Variants in MRPL2 observed in about 807,000 individuals in gnomAD.
MRPL2 encodes the protein large ribosomal subunit protein uL2m.
A neutral mutation model predicts 34.6 loss-of-function variants in MRPL2; 27 were observed. The ratio of observed to expected loss-of-function variants is 0.78; its 90% CI spans 0.58 to 1.08. MRPL2 has a LOEUF of 1.08. MRPL2 is among the 50% of genes least tolerant of loss of function. The probability of loss-of-function intolerance (pLI) is 0.00; values close to 1 mark genes in which losing one functional copy is unlikely to be tolerated. For synonymous variants in MRPL2, 155 were observed against 158.0 expected (o/e 0.98, Z 0.14); for missense variants, 414 against 419.3 (o/e 0.99, Z 0.11).
intron 5 of MRPL2, 84 bp downstream of exon 5, chr6:43,055,813 T>C (rs1211831930): frequency 1.8e-5 from 25 of 1,385,440 alleles, no homozygotes; most frequent in Non-Finnish European, 2.5e-5. Flanking sequence ...TAATTTTCTC[T>C]GCCAGTACCA....
rs536029069 is a variant in MRPL2 at position 43,054,207 on chromosome 6, C to T, written c.*67G>A. The T allele has an allele frequency of 7.7e-4, 915 of 1,180,838 alleles. 2 individuals are homozygous for T. Among genetic ancestry groups the T allele is most frequent in the Non-Finnish European group, 9.4e-4 (790 of 839,566 alleles). 73.1% of individuals were successfully genotyped at this position (1,180,838 alleles called of 1,614,324 possible). ...ACAACAACAAAAAAAACAAAAAACA[C>T]CCAAAACAAAACCACAGTAACAGAT... On this transcript the variant is annotated 3_prime_UTR_variant, in exon 7 of 7. Transcript: ENST00000388752.
intron 3 of MRPL2, 21 bp from the exon 4 acceptor site, chr6:43,056,217 G>A (rs1306887341): frequency 1.2e-6 from 2 of 1,612,732 alleles, no homozygotes; most frequent in South Asian, 1.1e-5. Flanking sequence ...TGAGGGACAG[G>A]TAAGCAGACC....
chr6:43,057,623 C>T (rs1764913558), intron 2 of MRPL2: 1 of 167,466 alleles, frequency 6.0e-6, no homozygotes, highest in Non-Finnish European at 1.3e-5. Context: ...GGATTACAGG[C>T]GTGAGCCACT....
At position 43,055,911 on chromosome 6, in the gene MRPL2, T is replaced by C. The variant is rs1764862432; in HGVS notation, c.617A>G (p.Tyr206Cys). 6.2e-7 allele frequency: 1 copy of C among 1,613,330 alleles called. No individual in the cohort carries two copies. The highest frequency in any genetic ancestry group is 8.5e-7 in the Non-Finnish European group (1 of 1,179,500). The change falls in exon 5 of 7, where the codon TAT (tyrosine) becomes TGT (cysteine). Residue 206 changes from tyrosine (Y) to cysteine (C), a missense_variant. Tyr to Cys is a radical substitution (Grantham distance 194). Transcript: ENST00000388752. ...TTTCCCCATACCTGCAGCTCGGATA[T>C]ATTGGGCACCCCGGCCTGGCTCACT... ...VESEPGRGAQ[Y>C]IRAAGTCGVL...
chr6:43,057,394 G>C (rs1764907084), intron 2 of MRPL2, among the ~76,000 whole-genome samples: 1 of 152,038 alleles, frequency 6.6e-6, no homozygotes, highest in Non-Finnish European at 1.5e-5. Flanking sequence ...CTGGAGTGCA[G>C]CAGCGCGATC....
intron 2 of MRPL2, 107 bp from the exon 3 acceptor site, chr6:43,056,552 C>G: frequency 7.3e-7 from 1 of 1,371,454 alleles, no homozygotes; most frequent in Non-Finnish European, 1.0e-6. Flanking sequence ...AGCATTGTGG[C>G]ACAAGCAGAA....
At chr6:43,056,280 C>T in intron 3 of MRPL2, 27 bp downstream of exon 3, 2 of 1,614,170 alleles carry the variant, frequency 1.2e-6, no homozygotes, top group Non-Finnish European at 1.7e-6. Context: ...CAGACCATTC[C>T]ATCATCATCC....
At chr6:43,058,315 A>G in intron 1 of MRPL2, 82 bp from the exon 2 acceptor site, 1 of 1,404,926 alleles carries the variant, frequency 7.1e-7, no homozygotes, top group Non-Finnish European at 9.9e-7. Context: ...GGCACAGATC[A>G]ATTTTAGCTT....
In MRPL2 at chr6:43,055,629, A is replaced by C. The variant is rs1764840315; in HGVS notation, c.632-11T>G. The C allele has an allele frequency of 6.2e-7, 1 of 1,613,870 alleles. No homozygotes were observed. The highest frequency in any genetic ancestry group is 1.1e-5 in the South Asian group (1 of 91,074). ...GCACACCACACGTCCCTGGGGAAAG[A>C]AGCTGATTTGCCACCCTCCACAAAA... On this transcript the variant is annotated splice_polypyrimidine_tract_variant and intron_variant, in intron 5 of 6. Coordinates refer to ENST00000388752, the MANE Select transcript of MRPL2 (RefSeq NM_015950.5).
chr6:43,058,131 T>C lies in MRPL2; in HGVS notation c.199A>G (p.Lys67Glu). The change falls in exon 2 of 7, where the codon AAG (lysine) becomes GAG (glutamate). Residue 67 changes from lysine (K) to glutamate (E), a missense_variant. Transcript: ENST00000388752. ...VALNANFVSW[K>E]SRTKYTITPV... The stretch of plus-strand genomic sequence containing the variant: ...GTAATGGTGTACTTGGTACGACTCT[T>C]CCAGGACACAAAGTTGGCATTAAGG... 1 of 1,614,202 alleles carries C rather than the reference T, an allele frequency of 6.2e-7. No individual in the cohort carries two copies. Among genetic ancestry groups the C allele is most frequent in the South Asian group, 1.1e-5 (1 of 91,086 alleles).
At chr6:43,055,335 GGCGACAGA>G (rs1333900566) in intron 6 of MRPL2, among the ~76,000 whole-genome samples, 2 of 152,090 alleles carry the variant, frequency 1.3e-5, no homozygotes, top group Non-Finnish European at 2.9e-5. Context: ...CTCCAGCCTG[GGCGACAGA>G]GCAAGACTCT....
intron 2 of MRPL2, 53 bp from the exon 3 acceptor site, chr6:43,056,498 C>T (rs1272942101): frequency 1.2e-6 from 2 of 1,607,608 alleles, no homozygotes; most frequent in Non-Finnish European, 1.7e-6. Flanking sequence ...AGTTTAGTTT[C>T]CAGCACTGGG....
Position 43,058,046 on chromosome 6 carries a change from C to T in MRPL2, c.265+19G>A, listed in dbSNP as rs779055162. On this transcript the variant is annotated intron_variant, in intron 2 of 6. Coordinates refer to ENST00000388752, the MANE Select transcript of MRPL2 (RefSeq NM_015950.5). ...GTTTTTCCTTTTGACTGCTTAAATC[C>T]CCCTGTCCTTGTTCCCACCTGTGTG... 1 of 1,612,846 alleles carries T rather than the reference C, an allele frequency of 6.2e-7. No individual in the cohort carries two copies. The highest frequency in any genetic ancestry group is 1.1e-5 in the South Asian group (1 of 90,996).
At chr6:43,058,967 G>C (rs943129626) in intron 1 of MRPL2, 1 of 651,330 alleles carries the variant, frequency 1.5e-6, no homozygotes, top group African/African-American at 1.8e-5. Context: ...GCCTTATAGA[G>C]TATTTGAAAG....
intron 1 of MRPL2, among the ~76,000 whole-genome samples, chr6:43,058,838 G>A (rs1764977387): frequency 6.6e-6 from 1 of 152,186 alleles, no homozygotes; most frequent in Admixed American, 6.5e-5. Context: ...CATCCTTGCA[G>A]GCATCATATC....
In MRPL2 at chr6:43,058,219, G is replaced by C; in HGVS notation, c.111C>G (p.Gly37=). The C allele has an allele frequency of 6.2e-7, 1 of 1,613,916 alleles. No homozygotes were observed. The highest frequency in any genetic ancestry group is 1.7e-5 in the Admixed American group (1 of 59,984). The change falls in exon 2 of 7, where the codon GGC becomes GGG. Residue 37 remains glycine, a synonymous_variant. Transcript: ENST00000388752. The stretch of plus-strand genomic sequence containing the variant: ...TCAAGGCAGAGGGCTGTTGGAGGAG[G>C]CCATTGTTCATCATCTAGGGATAAA... ...LFPAAQMMNN[G]LLQQPSALML... is the part of the protein sequence containing the mutation.
rs569688733 is a variant in MRPL2, at chr6:43,055,086, C to T, written c.705+459G>A. ...TGTCTCAAAAAAAATTAAGTAGGGC[C>T]GGGTGTGGTGGCTCACTCCTGTAAT... On this transcript the variant is annotated intron_variant, in intron 6 of 6. Coordinates refer to ENST00000388752, the MANE Select transcript of MRPL2 (RefSeq NM_015950.5). Among the ~76,000 whole-genome samples, 6 of 150,320 alleles carry T rather than the reference C, an allele frequency of 4.0e-5. No homozygotes were observed. The South Asian group carries it at 8.4e-4, about 21-fold the overall frequency.
At chr6:43,057,815 A>G in intron 2 of MRPL2, 1 of 454,846 alleles carries the variant, frequency 2.2e-6, no homozygotes. Context: ...GGAAAATGTC[A>G]TGGCACTTCC....
chr6:43,059,016 C>G, intron 1 of MRPL2: 2 of 928,620 alleles, frequency 2.2e-6, no homozygotes, highest in South Asian at 3.5e-5. Context: ...CTATACCTGG[C>G]TTATCATAGG....
Sources: gnomAD v4.1 joint callset for allele counts (sites outside exome capture counted in the v4.1 genomes callset) on GRCh38, gnomAD v4.1.1 for gene constraint, MANE v1.5 for transcripts, NCBI Gene and HGNC (gene_info 2026-07-23, HGNC 2026-07-21) for gene names.